SEMA6D: variants seen among roughly 807,000 people sequenced by gnomAD.
The protein encoded by SEMA6D is semaphorin 6D.
Under a neutral mutation model 106.6 loss-of-function variants are expected in SEMA6D, and 35 were observed. The ratio of observed to expected loss-of-function variants is 0.33; its 90% CI spans 0.25 to 0.44. The LOEUF is 0.44. Among genes scored for constraint, SEMA6D ranks in the 20% least tolerant of loss-of-function variants. The pLI, the probability that SEMA6D is intolerant of heterozygous loss-of-function variation, is 1.00. For missense variants in SEMA6D, 1,185 were observed against 1,345.9 expected (o/e 0.88, Z 1.87); for synonymous variants, 499 against 487.7 (o/e 1.02, Z -0.31).
In SEMA6D at chr15:47,766,319, A is replaced by G; in HGVS notation, c.1646+137A>G. On this transcript the variant is annotated intron_variant, in intron 15 of 18. Coordinates refer to ENST00000536845, the MANE Select transcript of SEMA6D (RefSeq NM_001358351.3). ...TGGGAGAAACAGGAAAACGAAAACCAGGAGACGTGACAAGGAAGGGAATAA... is the reference window on the plus strand; with the variant it reads ...TGGGAGAAACAGGAAAACGAAAACCGGGAGACGTGACAAGGAAGGGAATAA... The G allele has an allele frequency of 5.4e-6, 4 of 745,954 alleles. No individual in the cohort carries two copies. In the East Asian group the frequency reaches 1.1e-4, roughly 20 times the overall value. 46.2% of individuals were successfully genotyped at this position (745,954 alleles called of 1,614,324 possible). A position where few individuals can be genotyped will look rare whatever the true frequency, so the allele number is the denominator to read the frequency against.
intron 1 of SEMA6D, among the ~76,000 whole-genome samples, chr15:47,384,814 G>GTTTTTTTGT (rs1567042573): frequency 2.3e-4 from 15 of 65,692 alleles, no homozygotes; most frequent in East Asian, 1.4e-3. Context: ...GATTACTAAA[G>GTTTTTTTGT]TTTTTTTTTT....
chr15:47,401,223 ACAGT>A (rs1202738715), intron 1 of SEMA6D, among the ~76,000 whole-genome samples: 20 of 152,306 alleles, frequency 1.3e-4, no homozygotes, highest in Admixed American at 3.3e-4. Context: ...TGTGTACAAT[ACAGT>A]CATTTTATTT....
chr15:47,303,179 C>T (rs769454597), intron 1 of SEMA6D, among the ~76,000 whole-genome samples: 1 of 152,184 alleles, frequency 6.6e-6, no homozygotes, highest in Non-Finnish European at 1.5e-5. Flanking sequence ...TAGAAACAGA[C>T]CTTCATCACC....
chr15:47,328,681 G>A (rs2037225250), intron 1 of SEMA6D, among the ~76,000 whole-genome samples: 1 of 152,092 alleles, frequency 6.6e-6, no homozygotes, highest in Non-Finnish European at 1.5e-5. Flanking sequence ...GCCAACTTCT[G>A]TCTCCTACCA....
intron 4 of SEMA6D, among the ~76,000 whole-genome samples, chr15:47,601,282 A>T (rs1250540515): frequency 6.6e-6 from 1 of 152,140 alleles, no homozygotes; most frequent in Non-Finnish European, 1.5e-5. Context: ...GAAGAATTAG[A>T]AAGCAAAGTG....
intron 1 of SEMA6D, among the ~76,000 whole-genome samples, chr15:47,278,099 A>G (rs2034922414): frequency 6.7e-6 from 1 of 149,992 alleles, no homozygotes; most frequent in South Asian, 2.1e-4. Context: ...TTATAGCAGC[A>G]TGATTTATAG....
intron 2 of SEMA6D, among the ~76,000 whole-genome samples, chr15:47,417,809 A>G (rs986629586): frequency 2.0e-5 from 3 of 151,976 alleles, no homozygotes; most frequent in Non-Finnish European, 4.4e-5. Flanking sequence ...TTCTTTTCCT[A>G]ATCACTCATG....
intron 1 of SEMA6D, among the ~76,000 whole-genome samples, chr15:47,745,413 T>A (rs1387664020): frequency 6.6e-6 from 1 of 152,240 alleles, no homozygotes; most frequent in Non-Finnish European, 1.5e-5. Context: ...CTGGGGCACC[T>A]ACCTGGGCAG....
intron 1 of SEMA6D, among the ~76,000 whole-genome samples, chr15:47,346,241 G>T (rs593094): frequency 0.47 from 70,987 of 152,028 alleles, 19,686 homozygotes; most frequent in South Asian, 0.61. Flanking sequence ...GACTCCATGA[G>T]ACCAGTTTTT....
intron 1 of SEMA6D, among the ~76,000 whole-genome samples, chr15:47,318,479 C>T (rs1209784062): frequency 7.0e-6 from 1 of 142,396 alleles, no homozygotes; most frequent in Non-Finnish European, 1.5e-5. Context: ...CATGTGTTCT[C>T]ATTGTTCAAT....
At chr15:47,581,408 T>A (rs4774498) in intron 3 of SEMA6D, 317,306 of 486,560 alleles carry the variant, frequency 0.65, 104,438 homozygotes, top group South Asian at 0.69. Flanking sequence ...TGGGAAGTAG[T>A]TTGAGAAAAG....
intron 2 of SEMA6D, among the ~76,000 whole-genome samples, chr15:47,433,801 G>C (rs551202804): frequency 6.6e-6 from 1 of 152,032 alleles, no homozygotes; most frequent in Non-Finnish European, 1.5e-5. Context: ...GCACAATGGG[G>C]TAAACAGAAA....
intron 1 of SEMA6D, among the ~76,000 whole-genome samples, chr15:47,755,763 A>G (rs1205240992): frequency 1.3e-5 from 2 of 151,674 alleles, no homozygotes; most frequent in Non-Finnish European, 2.9e-5. Context: ...ACTTTTCTTT[A>G]TAGCTATACT....
At chr15:47,293,335 CT>C (rs990759148) in intron 1 of SEMA6D, among the ~76,000 whole-genome samples, 41 of 152,204 alleles carry the variant, frequency 2.7e-4, no homozygotes, top group African/African-American at 9.4e-4. Flanking sequence ...GTTTCTTGGT[CT>C]TATTCTTTAA....
intron 4 of SEMA6D, among the ~76,000 whole-genome samples, chr15:47,624,316 C>A (rs1489999601): frequency 6.6e-6 from 1 of 152,182 alleles, no homozygotes; most frequent in African/African-American, 2.4e-5. Flanking sequence ...CACACTTATT[C>A]TACTGCCTTG....
intron 1 of SEMA6D, among the ~76,000 whole-genome samples, chr15:47,306,768 C>T (rs1387350061): frequency 6.6e-6 from 1 of 152,216 alleles, no homozygotes; most frequent in African/African-American, 2.4e-5. Context: ...TGAGGTCAAT[C>T]ATAATCTTAC....
At chr15:47,408,187 A>T (rs2040659636) in intron 1 of SEMA6D, among the ~76,000 whole-genome samples, 1 of 152,132 alleles carries the variant, frequency 6.6e-6, no homozygotes. Context: ...GCATCCTCAG[A>T]CAGGCCTGGG....
At chr15:47,759,969 T>C in intron 2 of SEMA6D, 62 bp downstream of exon 2, 1 of 1,232,498 alleles carries the variant, frequency 8.1e-7, no homozygotes. Flanking sequence ...TTTCATTCTG[T>C]AAGCATGTTC....
chr15:47,356,067 G>C (rs2038553454), intron 1 of SEMA6D, among the ~76,000 whole-genome samples: 1 of 151,986 alleles, frequency 6.6e-6, no homozygotes, highest in East Asian at 1.9e-4. Context: ...TTGGGTATTT[G>C]GTTATTCCCA....
Sources: gnomAD v4.1 joint callset for allele counts (sites outside exome capture counted in the v4.1 genomes callset) on GRCh38, gnomAD v4.1.1 for gene constraint, MANE v1.5 for transcripts, NCBI Gene and HGNC (gene_info 2026-07-23, HGNC 2026-07-21) for gene names.